Variants in MIDN observed in about 807,000 individuals in gnomAD.
MIDN encodes midbrain nucleolar protein.
In MIDN, 26 loss-of-function variants were observed where a neutral mutation model predicts 46.1. The ratio of observed to expected loss-of-function variants is 0.56; its 90% CI spans 0.41 to 0.78. The LOEUF is 0.78. Among genes scored for constraint, MIDN ranks in the 30% least tolerant of loss-of-function variants. The pLI is 0.00. For synonymous variants in MIDN, 432 were observed against 343.3 expected, an observed-to-expected ratio of 1.26 and a Z score of -2.86; for missense variants, 850 against 771.8, an observed-to-expected ratio of 1.10 and a Z score of -1.20.
Position 1,251,477 on chromosome 19 carries a change from C to G in MIDN, c.234-85C>G. The G allele has an allele frequency of 5.6e-6, 7 of 1,258,252 alleles. No individual in the cohort carries two copies. In the Admixed American group the frequency reaches 1.4e-4, roughly 25 times the overall value. 77.9% of individuals were successfully genotyped at this position (1,258,252 alleles called of 1,614,324 possible). A position where few individuals can be genotyped will look rare whatever the true frequency, so the allele number is the denominator to read the frequency against. On this transcript the variant is annotated intron_variant, in intron 2 of 8. Transcript: ENST00000682408. ...GGGAACTTATCCGTCTCTCCCCACA[C>G]AAGCACAGCCCTCCCCCGCGGCCTC...
intron 3 of MIDN, 47 bp from the exon 4 acceptor site, chr19:1,251,792 A>T (rs1483750382): frequency 6.3e-7 from 1 of 1,578,782 alleles, no homozygotes; most frequent in Non-Finnish European, 8.7e-7. Context: ...ATTCCAGCCC[A>T]GGATTCCGAC....
At position 1,249,662 on chromosome 19, in the gene MIDN, G is replaced by A. The variant is rs1024240901; in HGVS notation, c.-407-228G>A. 6.9e-5 allele frequency among the ~76,000 whole-genome samples: 10 copies of A among 145,246 alleles called. No homozygotes were observed. The South Asian group carries it at 1.1e-3, about 16-fold the overall frequency. On this transcript the variant is annotated intron_variant, in intron 1 of 8. Coordinates refer to ENST00000682408, the MANE Select transcript of MIDN (RefSeq NM_001388306.1). ...CCCCGCCCCCGCTGCGCTCCCCTTGGTCGCCTGGGCGCTGGGGGCGGGGCG... is the reference window on the plus strand; with the variant it reads ...CCCCGCCCCCGCTGCGCTCCCCTTGATCGCCTGGGCGCTGGGGGCGGGGCG...
intron 1 of MIDN, among the ~76,000 whole-genome samples, chr19:1,249,195 GCCGGCGGGTGGGCGCGCGGGGCCC>G (rs2081090741): frequency 6.7e-6 from 1 of 148,318 alleles, no homozygotes; most frequent in African/African-American, 2.4e-5. Flanking sequence ...TCTGCCCGCG[GCCGGCGGGTGGGCGCGCGGGGCCC>G]CCGGCGGCAG....
At position 1,254,384 on chromosome 19, in the gene MIDN, TC is replaced by T. The variant is rs1404354332; in HGVS notation, c.737del (p.Pro246ArgfsTer71). 3.2e-6 allele frequency: 5 copies of T among 1,560,124 alleles called. No individual in the cohort carries two copies. The highest frequency in any genetic ancestry group is 2.4e-5 in the East Asian group (1 of 42,380). On this transcript the variant is annotated frameshift_variant, in exon 6 of 9. Coordinates refer to ENST00000682408, the MANE Select transcript of MIDN (RefSeq NM_001388306.1). LOFTEE classifies it high-confidence loss of function. The part of the protein sequence containing the change: ...PCRPVSSAAR[V>X]PPVPTSPSPA... ...CGGCCGGTGTCCAGTGCCGCCCGAGTCCCCCCGGTGCCCACCAGCCCGTCCC... is the reference window on the plus strand; with the variant it reads ...CGGCCGGTGTCCAGTGCCGCCCGAGTCCCCCGGTGCCCACCAGCCCGTCCC...
chr19:1,253,830 G>A lies in MIDN; in HGVS notation c.385-124G>A. 4.1e-6 allele frequency: 3 copies of A among 724,510 alleles called. No individual in the cohort carries two copies. In the South Asian group the frequency reaches 7.0e-5, roughly 17 times the overall value. The allele number at this position is 724,510 out of a possible 1,614,324, so 44.9% of individuals were successfully genotyped here. On this transcript the variant is annotated intron_variant, in intron 4 of 8. Coordinates refer to ENST00000682408, the MANE Select transcript of MIDN (RefSeq NM_001388306.1). ...AGGGTGGGGGAAAGGCAAAGTGAAGGTTGTTTGAGGTCAGTGACTGCCAGC... is the reference window on the plus strand; with the variant it reads ...AGGGTGGGGGAAAGGCAAAGTGAAGATTGTTTGAGGTCAGTGACTGCCAGC...
In MIDN at chr19:1,255,068, G is replaced by T. The variant is rs376218573; in HGVS notation, c.985+7G>T. 7 of 1,610,614 alleles carry T rather than the reference G, an allele frequency of 4.3e-6. No individual in the cohort carries two copies. The highest frequency in any genetic ancestry group is 5.9e-6 in the Non-Finnish European group (7 of 1,177,916). Reference sequence around the variant, plus strand: ...TTCTCAGGGACCTTCTCTGGTAGGTGTCACAGCACATGTGTGAGCTCACGT... The same window carrying T: ...TTCTCAGGGACCTTCTCTGGTAGGTTTCACAGCACATGTGTGAGCTCACGT... On this transcript the variant is annotated splice_region_variant and intron_variant, in intron 7 of 8. Transcript: ENST00000682408.
rs1425428947 is a variant in MIDN, at chr19:1,250,265, C to T, written c.-32C>T. 1.5e-5 allele frequency: 14 copies of T among 922,890 alleles called. No homozygotes were observed. The South Asian group carries it at 2.5e-4, about 16-fold the overall frequency. 57.2% of individuals were successfully genotyped at this position (922,890 alleles called of 1,614,324 possible). On this transcript the variant is annotated 5_prime_UTR_variant, in exon 2 of 9. Coordinates refer to ENST00000682408, the MANE Select transcript of MIDN (RefSeq NM_001388306.1). Reference sequence around the variant, plus strand: ...AGGCGCGGCGAGGATTGGCGGCGCCCGCCGCCCCCAGCCCCCCAGCGCGCG... The same window carrying T: ...AGGCGCGGCGAGGATTGGCGGCGCCTGCCGCCCCCAGCCCCCCAGCGCGCG...
rs1444479307 is a variant in MIDN at position 1,257,080 on chromosome 19, T to C, written c.1344T>C (p.Arg448=). Residue 448 remains arginine, a synonymous_variant, in exon 9 of 9, where the codon CGT becomes CGC. Coordinates refer to ENST00000682408, the MANE Select transcript of MIDN (RefSeq NM_001388306.1). ...LQLLLQQKRL[R]RKARRDARGP... ...TGCTTCTGCAGCAGAAACGGCTCCG[T>C]AGAAAGGCCCGGCGGGACGCGCGGG... The C allele has an allele frequency of 1.9e-6, 3 of 1,612,200 alleles. No homozygotes were observed. The highest frequency in any genetic ancestry group is 1.6e-4 in the Middle Eastern group (1 of 6,082).
intron 2 of MIDN, among the ~76,000 whole-genome samples, chr19:1,250,745 G>A (rs976639095): frequency 1.6e-4 from 24 of 151,642 alleles, no homozygotes; most frequent in Non-Finnish European, 2.8e-4. Context: ...GTCCCGGGCC[G>A]GGCTTCGGCG....
At chr19:1,256,066 G>GCCAGCCTGGCC (rs1310844323) in intron 8 of MIDN, among the ~76,000 whole-genome samples, 1 of 152,218 alleles carries the variant, frequency 6.6e-6, no homozygotes, top group African/African-American at 2.4e-5. Context: ...CAACCCCCCT[G>GCCAGCCTGGCC]CCAGCCTGGC....
rs1035924068 is a variant in MIDN, at chr19:1,258,120, C to T, written c.*848C>T. 6.6e-6 allele frequency: 1 copy of T among 152,620 alleles called. No homozygotes were observed. The highest frequency in any genetic ancestry group is 2.4e-5 in the African/African-American group (1 of 41,464). The allele number at this position is 152,620 out of a possible 1,614,324, so 9.5% of individuals were successfully genotyped here. ...CCCCACTCCCGTGTTTTCTGACCTC[C>T]TGCCTGAGTTTGGGGTATTTATAGA... On this transcript the variant is annotated 3_prime_UTR_variant, in exon 9 of 9. Transcript: ENST00000682408.
At chr19:1,253,795 G>A in intron 4 of MIDN, 159 bp from the exon 5 acceptor site, 2 of 432,110 alleles carry the variant, frequency 4.6e-6, no homozygotes, top group Non-Finnish European at 7.3e-6. Context: ...AGAGGATCTA[G>A]GGGCCCATGA....
At chr19:1,252,411 C>T (rs888445904) in intron 4 of MIDN, among the ~76,000 whole-genome samples, 2 of 128,510 alleles carry the variant, frequency 1.6e-5, no homozygotes, top group Non-Finnish European at 1.8e-5. Flanking sequence ...GTTCTCTACC[C>T]CGAAAGGGGA....
intron 7 of MIDN, among the ~76,000 whole-genome samples, 168 bp from the exon 8 acceptor site, chr19:1,255,254 C>T (rs10412640): frequency 0.36 from 55,297 of 152,016 alleles, 10,945 homozygotes; most frequent in East Asian, 0.52. Flanking sequence ...GGTCACCAGG[C>T]GCCTGCATAC....
intron 6 of MIDN, among the ~76,000 whole-genome samples, 170 bp from the exon 7 acceptor site, chr19:1,254,732 C>T (rs565058981): frequency 6.6e-6 from 1 of 152,164 alleles, no homozygotes; most frequent in African/African-American, 2.4e-5. Context: ...CATGGGTCAT[C>T]TCTGTGTCCT....
rs2081132945 is a variant in MIDN at position 1,251,835 on chromosome 19, G to A, written c.322-4G>A. On this transcript the variant is annotated splice_polypyrimidine_tract_variant and splice_region_variant and intron_variant, in intron 3 of 8. Transcript: ENST00000682408. ...TCAGGCCCCTCTCCTCCCTCTCTTT[G>A]TAGTCTCAGGCCTCAAGGCCGGAAC... is the stretch of plus-strand genomic sequence containing the variant. 2 of 1,612,658 alleles carry A rather than the reference G, an allele frequency of 1.2e-6. No individual in the cohort carries two copies. The highest frequency in any genetic ancestry group is 1.7e-6 in the Non-Finnish European group (2 of 1,179,140).
At position 1,248,608 on chromosome 19, in the gene MIDN, G is replaced by A. The variant is rs900393162; in HGVS notation, c.-460G>A. 13 of 152,246 alleles carry A rather than the reference G, an allele frequency of 8.5e-5. No individual in the cohort carries two copies. Among genetic ancestry groups the A allele is most frequent in the African/African-American group, 2.6e-4 (11 of 41,542 alleles). 9.4% of individuals were successfully genotyped at this position (152,246 alleles called of 1,614,324 possible). A position where few individuals can be genotyped will look rare whatever the true frequency, so the allele number is the denominator to read the frequency against. On this transcript the variant is annotated 5_prime_UTR_variant, in exon 1 of 9. Transcript: ENST00000682408. ...AGACCGGCCCGGCCAGCGCGCATTC[G>A]GCCCCGGACGAAGGTACTCGCAGCA...
In MIDN at chr19:1,251,931, G is replaced by A. The variant is rs535582185; in HGVS notation, c.384+30G>A. 2.1e-5 allele frequency: 34 copies of A among 1,599,030 alleles called. No homozygotes were observed. The South Asian group carries it at 3.7e-4, about 17-fold the overall frequency. On this transcript the variant is annotated intron_variant, in intron 4 of 8. Coordinates refer to ENST00000682408, the MANE Select transcript of MIDN (RefSeq NM_001388306.1). ...GACCTCGCCAGCCCCTTCCTAACAG[G>A]GCAGCCCTGGGAGCAGGGTGCCTTG...
In MIDN at chr19:1,258,781, T is replaced by G. The variant is rs1280767867; in HGVS notation, c.*1509T>G. The G allele has an allele frequency of 1.3e-5, 2 of 151,782 alleles. No homozygotes were observed. Among genetic ancestry groups the G allele is most frequent in the African/African-American group, 4.8e-5 (2 of 41,276 alleles). 9.4% of individuals were successfully genotyped at this position (151,782 alleles called of 1,614,324 possible). On this transcript the variant is annotated 3_prime_UTR_variant, in exon 9 of 9. Coordinates refer to ENST00000682408, the MANE Select transcript of MIDN (RefSeq NM_001388306.1). ...TCAAGGATTTTGGGTTTTGTTTTGT[T>G]TTCATTTTTCCAAAAAAAAAAGAAA... is the stretch of plus-strand genomic sequence containing the variant.
Sources: gnomAD v4.1 joint callset for allele counts (sites outside exome capture counted in the v4.1 genomes callset) on GRCh38, gnomAD v4.1.1 for gene constraint, MANE v1.5 for transcripts, NCBI Gene and HGNC (gene_info 2026-07-23, HGNC 2026-07-21) for gene names.